BMPR1A: variants seen among roughly 807,000 people sequenced by gnomAD.
The protein encoded by BMPR1A is bone morphogenetic protein receptor type 1A.
Under a neutral mutation model 66.0 loss-of-function variants are expected in BMPR1A, and 7 were observed. The ratio of observed to expected loss-of-function variants is 0.11; its 90% CI spans 0.06 to 0.20. The LOEUF is 0.20. Ranked by LOEUF, BMPR1A falls within the 10% of genes least tolerant of loss-of-function variation. The probability of loss-of-function intolerance (pLI) is 1.00; values close to 1 mark genes in which losing one functional copy is unlikely to be tolerated. For synonymous variants in BMPR1A, 200 were observed against 229.7 expected, an observed-to-expected ratio of 0.87 and a Z score of 1.17; for missense variants, 408 against 669.1, an observed-to-expected ratio of 0.61 and a Z score of 4.31.
intron 1 of BMPR1A, among the ~76,000 whole-genome samples, chr10:86,774,066 G>T (rs1288627824): frequency 1.3e-5 from 2 of 151,946 alleles, no homozygotes; most frequent in African/African-American, 4.8e-5. Context: ...GGCCAGGCTG[G>T]TCTCAAACTC....
chr10:86,831,407 T>A (rs2133068719), intron 1 of BMPR1A, among the ~76,000 whole-genome samples: 1 of 152,372 alleles, frequency 6.6e-6, no homozygotes, highest in Admixed American at 6.5e-5. Context: ...GCTTAATTGA[T>A]CCTATTCTAA....
At chr10:86,824,576 C>A (rs1160836596) in intron 1 of BMPR1A, among the ~76,000 whole-genome samples, 2 of 152,166 alleles carry the variant, frequency 1.3e-5, no homozygotes, top group Non-Finnish European at 1.5e-5. Context: ...AGACTTATTT[C>A]TCCTGTTTGA....
At chr10:86,778,049 G>C (rs1005791925) in intron 1 of BMPR1A, among the ~76,000 whole-genome samples, 5 of 151,968 alleles carry the variant, frequency 3.3e-5, no homozygotes, top group African/African-American at 1.2e-4. Context: ...TACGTATTTA[G>C]GGGGTACATA....
intron 1 of BMPR1A, among the ~76,000 whole-genome samples, chr10:86,828,401 C>T (rs902190934): frequency 2.0e-5 from 3 of 151,990 alleles, no homozygotes; most frequent in Non-Finnish European, 4.4e-5. Context: ...GGGGAAAAAA[C>T]GTAAAGGAAA....
chr10:86,842,776 A>G (rs7906690), intron 2 of BMPR1A, among the ~76,000 whole-genome samples: 5,528 of 152,282 alleles, frequency 0.036, 244 homozygotes, highest in African/African-American at 0.1. Context: ...TGAAAGGCAC[A>G]TCTTAGGTGG....
chr10:86,833,394 G>C (rs1017149776), intron 1 of BMPR1A, among the ~76,000 whole-genome samples: 1 of 152,198 alleles, frequency 6.6e-6, no homozygotes. Flanking sequence ...CTACATGAAA[G>C]ATGAGAGCCT....
At chr10:86,808,802 TTGTC>T (rs1403800014) in intron 1 of BMPR1A, among the ~76,000 whole-genome samples, 5 of 152,196 alleles carry the variant, frequency 3.3e-5, no homozygotes, top group African/African-American at 4.8e-5. Flanking sequence ...TGGTCAAACT[TTGTC>T]TGGTTTTCAG....
At chr10:86,820,747 T>G (rs1842110547) in intron 1 of BMPR1A, among the ~76,000 whole-genome samples, 1 of 152,210 alleles carries the variant, frequency 6.6e-6, no homozygotes, top group Admixed American at 6.5e-5. Flanking sequence ...TTTCATATAC[T>G]TCTTACTGGC....
intron 2 of BMPR1A, among the ~76,000 whole-genome samples, chr10:86,875,416 G>T (rs1050055663): frequency 2.6e-5 from 4 of 152,180 alleles, no homozygotes; most frequent in South Asian, 2.1e-4. Flanking sequence ...AATTTTCTAG[G>T]TCGGCTTCCT....
intron 5 of BMPR1A, among the ~76,000 whole-genome samples, chr10:86,893,970 G>C (rs1843192131): frequency 6.6e-6 from 1 of 152,118 alleles, no homozygotes; most frequent in African/African-American, 2.4e-5. Flanking sequence ...CCTTTACTAA[G>C]TAAAAAAAGT....
chr10:86,799,257 G>A (rs1325632641), intron 1 of BMPR1A, among the ~76,000 whole-genome samples: 4 of 152,070 alleles, frequency 2.6e-5, no homozygotes, highest in African/African-American at 9.7e-5. Flanking sequence ...TCTGAATGCC[G>A]AGAAAGAAAA....
At chr10:86,822,624 C>CG (rs72517662) in intron 1 of BMPR1A, among the ~76,000 whole-genome samples, 1 of 111,134 alleles carries the variant, frequency 9.0e-6, no homozygotes, top group Non-Finnish European at 1.7e-5. Context: ...TTTTTTTTTC[C>CG]CGTTTTTATT....
intron 1 of BMPR1A, among the ~76,000 whole-genome samples, chr10:86,803,157 A>G (rs1458570040): frequency 2.0e-5 from 3 of 152,182 alleles, no homozygotes; most frequent in African/African-American, 4.8e-5. Context: ...TGTTACTGCC[A>G]TAGTCACAAT....
rs1843738908 is a variant in BMPR1A at position 86,926,125 on chromosome 10, T to C, written c.*2406T>C. On this transcript the variant is annotated 3_prime_UTR_variant, in exon 13 of 13. Transcript: ENST00000372037. ...GTTTTTTAAAATTAACTTGGTCTAG[T>C]AAAAGTGATATCAAGAGTTAATCTT... 5.9e-6 allele frequency: 1 copy of C among 170,544 alleles called. No individual in the cohort carries two copies. Among genetic ancestry groups the C allele is most frequent in the Non-Finnish European group, 1.3e-5 (1 of 78,632 alleles). The allele number at this position is 170,544 out of a possible 1,614,324, so 10.6% of individuals were successfully genotyped here. A position where few individuals can be genotyped will look rare whatever the true frequency, so the allele number is the denominator to read the frequency against.
At chr10:86,929,057 A>C (rs1016735745), downstream of BMPR1A, 2 of 151,900 alleles carry the variant, frequency 1.3e-5, no homozygotes, top group Non-Finnish European at 2.9e-5. Context: ...TATTTGACTA[A>C]GAAGATGGAG....
At chr10:86,802,478 T>C (rs1421133913) in intron 1 of BMPR1A, among the ~76,000 whole-genome samples, 1 of 152,108 alleles carries the variant, frequency 6.6e-6, no homozygotes, top group Non-Finnish European at 1.5e-5. Context: ...GACTATGATG[T>C]AAAGGAAAGG....
chr10:86,794,074 A>G (rs1266809460), intron 1 of BMPR1A, among the ~76,000 whole-genome samples: 1 of 152,136 alleles, frequency 6.6e-6, no homozygotes, highest in African/African-American at 2.4e-5. Context: ...TAATCGCCCC[A>G]TCTCAGGTTT....
chr10:86,821,784 C>G (rs767879468), intron 1 of BMPR1A, among the ~76,000 whole-genome samples: 5 of 151,870 alleles, frequency 3.3e-5, no homozygotes, highest in Non-Finnish European at 7.4e-5. Context: ...TTTTCTCCCC[C>G]CTCCCCCTCT....
intron 1 of BMPR1A, among the ~76,000 whole-genome samples, chr10:86,762,549 A>G (rs978594403): frequency 1.3e-5 from 2 of 152,114 alleles, no homozygotes; most frequent in African/African-American, 2.4e-5. Context: ...TAGTAGAGAC[A>G]GGGTTTTGCC....
Sources: gnomAD v4.1 joint callset for allele counts (sites outside exome capture counted in the v4.1 genomes callset) on GRCh38, gnomAD v4.1.1 for gene constraint, MANE v1.5 for transcripts, NCBI Gene and HGNC (gene_info 2026-07-23, HGNC 2026-07-21) for gene names.